Variants in GABRG3 observed in about 807,000 individuals in gnomAD.
GABRG3 encodes gamma-aminobutyric acid type A receptor subunit gamma3.
In GABRG3, 25 loss-of-function variants were observed where a neutral mutation model predicts 48.8. The ratio of observed to expected loss-of-function variants is 0.51; its 90% CI spans 0.37 to 0.72. The LOEUF is 0.72. Among genes scored for constraint, GABRG3 ranks in the 30% least tolerant of loss-of-function variants. The pLI is 0.00. For missense variants in GABRG3, 394 were observed against 577.9 expected (o/e 0.68, Z 3.26); for synonymous variants, 227 against 217.6 (o/e 1.04, Z -0.38).
chr15:27,381,674 G>T (rs932038003), intron 5 of GABRG3, among the ~76,000 whole-genome samples: 1 of 152,198 alleles, frequency 6.6e-6, no homozygotes, highest in Non-Finnish European at 1.5e-5. Flanking sequence ...ACGAGTTTTT[G>T]ATTTTTCAAT....
At chr15:27,396,171 A>G (rs565370114) in intron 5 of GABRG3, among the ~76,000 whole-genome samples, 7 of 152,338 alleles carry the variant, frequency 4.6e-5, no homozygotes, top group Admixed American at 4.6e-4. Context: ...GCCTGTACTT[A>G]CTAAAGTCTT....
At chr15:27,486,200 T>A (rs190935028) in intron 6 of GABRG3, among the ~76,000 whole-genome samples, 2 of 152,254 alleles carry the variant, frequency 1.3e-5, no homozygotes, top group African/African-American at 4.8e-5. Context: ...AAAGGCTCCC[T>A]GACGTCAGAG....
At chr15:27,176,966 C>G (rs556581148) in intron 3 of GABRG3, among the ~76,000 whole-genome samples, 2 of 152,288 alleles carry the variant, frequency 1.3e-5, no homozygotes, top group East Asian at 3.9e-4. Flanking sequence ...TACACTGAGA[C>G]AGCAGTGTTG....
intron 3 of GABRG3, among the ~76,000 whole-genome samples, chr15:27,247,028 ATC>A (rs1209227326): frequency 1.3e-5 from 2 of 152,214 alleles, no homozygotes; most frequent in Non-Finnish European, 2.9e-5. Flanking sequence ...CAGTGGCACA[ATC>A]TGGGTGCAAG....
intron 5 of GABRG3, among the ~76,000 whole-genome samples, chr15:27,337,713 A>G (rs997906350): frequency 1.3e-5 from 2 of 152,042 alleles, no homozygotes; most frequent in African/African-American, 4.8e-5. Context: ...TTCTTTATAC[A>G]TGCTCTGCAC....
At chr15:27,065,882 G>A (rs1896729869) in intron 3 of GABRG3, among the ~76,000 whole-genome samples, 1 of 152,196 alleles carries the variant, frequency 6.6e-6, no homozygotes. Context: ...CTGCAACACT[G>A]TGTGGACTTC....
chr15:27,140,851 C>G (rs1038864384), intron 3 of GABRG3, among the ~76,000 whole-genome samples: 5 of 152,052 alleles, frequency 3.3e-5, no homozygotes, highest in African/African-American at 1.2e-4. Flanking sequence ...TTTCATGGTT[C>G]TGATTCTCTG....
At chr15:27,349,782 A>G (rs1423550330) in intron 5 of GABRG3, among the ~76,000 whole-genome samples, 2 of 152,172 alleles carry the variant, frequency 1.3e-5, no homozygotes, top group Non-Finnish European at 2.9e-5. Flanking sequence ...GAGGCTTCAT[A>G]GAGCCTGTGA....
intron 3 of GABRG3, among the ~76,000 whole-genome samples, chr15:27,233,596 C>T (rs946331975): frequency 1.3e-5 from 2 of 152,150 alleles, no homozygotes; most frequent in Non-Finnish European, 2.9e-5. Context: ...AGGCTCCACC[C>T]TCATGACCTA....
chr15:27,512,968 A>G (rs952729076), intron 6 of GABRG3, among the ~76,000 whole-genome samples: 7 of 152,216 alleles, frequency 4.6e-5, no homozygotes, highest in African/African-American at 1.7e-4. Context: ...GGACATGTAT[A>G]TTAAGAACAT....
chr15:27,176,820 G>A (rs1468381568), intron 3 of GABRG3, among the ~76,000 whole-genome samples: 1 of 152,178 alleles, frequency 6.6e-6, no homozygotes, highest in Non-Finnish European at 1.5e-5. Context: ...AGCTGAGGGA[G>A]CTGGGGATGG....
intron 7 of GABRG3, among the ~76,000 whole-genome samples, 169 bp from the exon 8 acceptor site, chr15:27,527,264 G>T (rs915957350): frequency 5.3e-5 from 8 of 152,198 alleles, no homozygotes; most frequent in African/African-American, 1.2e-4. Flanking sequence ...TTGAAACATT[G>T]CTTATAAAAT....
intron 5 of GABRG3, among the ~76,000 whole-genome samples, chr15:27,476,325 TATCATTGGAGAATTC>T (rs1402651486): frequency 6.6e-6 from 1 of 151,928 alleles, no homozygotes; most frequent in Non-Finnish European, 1.5e-5. Context: ...TAATAGAAAC[TATCATTGGAGAATTC>T]TAGATATTGA....
intron 5 of GABRG3, among the ~76,000 whole-genome samples, chr15:27,478,241 A>C (rs1890007220): frequency 6.6e-6 from 1 of 152,192 alleles, no homozygotes; most frequent in Non-Finnish European, 1.5e-5. Context: ...AAGGGAGAAA[A>C]TATTTTAAAA....
intron 3 of GABRG3, among the ~76,000 whole-genome samples, chr15:27,304,760 C>T (rs73363127): frequency 6.6e-6 from 1 of 151,862 alleles, no homozygotes; most frequent in Non-Finnish European, 1.5e-5. Flanking sequence ...TTAATGATAT[C>T]CAAAGTACTA....
At chr15:27,386,740 C>T (rs9672753) in intron 5 of GABRG3, among the ~76,000 whole-genome samples, 83,749 of 151,998 alleles carry the variant, frequency 0.55, 23,203 homozygotes, top group East Asian at 0.67. Context: ...TATAACCAGA[C>T]TCAATGGATT....
At chr15:27,224,374 G>T (rs1171699268) in intron 3 of GABRG3, among the ~76,000 whole-genome samples, 2 of 152,206 alleles carry the variant, frequency 1.3e-5, no homozygotes, top group African/African-American at 4.8e-5. Context: ...CTTACCAGCT[G>T]CATAGGAAGT....
intron 3 of GABRG3, among the ~76,000 whole-genome samples, chr15:27,140,349 G>A (rs1254705543): frequency 1.3e-5 from 2 of 152,152 alleles, no homozygotes; most frequent in Non-Finnish European, 2.9e-5. Flanking sequence ...ATTGTGGGTT[G>A]CTTGCTTGCT....
chr15:27,026,868 C>A, intron 3 of GABRG3, 47 bp downstream of exon 3: 2 of 1,304,120 alleles, frequency 1.5e-6, no homozygotes, highest in South Asian at 1.4e-5. Flanking sequence ...TGCACCTCTT[C>A]TTGTTACATT....
Sources: allele counts gnomAD v4.1 joint callset (sites outside exome capture counted in the v4.1 genomes callset), GRCh38; gene constraint gnomAD v4.1.1; transcripts MANE v1.5; gene names NCBI Gene and HGNC (gene_info 2026-07-23, HGNC 2026-07-21).